SDCCAG8: variants seen among roughly 807,000 people sequenced by gnomAD.
SDCCAG8 encodes serologically defined colon cancer antigen 8.
A neutral mutation model predicts 101.8 loss-of-function variants in SDCCAG8; 74 were observed. That is an observed-to-expected ratio of 0.73 (90% CI 0.60 to 0.88). The LOEUF is 0.88. Among genes scored for constraint, SDCCAG8 ranks in the 40% least tolerant of loss-of-function variants. The pLI is 0.00. For missense variants in SDCCAG8, 787 were observed against 822.6 expected (o/e 0.96, Z 0.53); for synonymous variants, 281 against 292.9 (o/e 0.96, Z 0.41).
At chr1:243,276,039 T>A (rs1464327039) in intron 4 of SDCCAG8, among the ~76,000 whole-genome samples, 10 of 151,988 alleles carry the variant, frequency 6.6e-5, no homozygotes, top group Non-Finnish European at 1.5e-5. Context: ...AATTTTTGTA[T>A]TTTTTGTAGA....
chr1:243,288,727 G>T (rs2069884998), intron 5 of SDCCAG8, among the ~76,000 whole-genome samples: 1 of 152,094 alleles, frequency 6.6e-6, no homozygotes, highest in Admixed American at 6.6e-5. Context: ...TAATTGAGGT[G>T]GCCAGGCGCA....
At chr1:243,316,431 A>G (rs562378775) in intron 8 of SDCCAG8, among the ~76,000 whole-genome samples, 3 of 152,148 alleles carry the variant, frequency 2.0e-5, no homozygotes, top group African/African-American at 7.2e-5. Flanking sequence ...ACTTTGCTGC[A>G]TTTTTCCTTT....
chr1:243,381,029 G>A (rs142829871), intron 13 of SDCCAG8, among the ~76,000 whole-genome samples: 126 of 151,974 alleles, frequency 8.3e-4, no homozygotes, highest in East Asian at 2.9e-3. Flanking sequence ...ATGTTGTGTC[G>A]TTCTTTTTCA....
chr1:243,439,628 A>T (rs1335576119), intron 16 of SDCCAG8, among the ~76,000 whole-genome samples: 1 of 146,230 alleles, frequency 6.8e-6, no homozygotes, highest in Admixed American at 6.7e-5. Flanking sequence ...TCCATCACAC[A>T]CACACACACA....
chr1:243,431,647 G>C (rs1289748759), intron 16 of SDCCAG8, among the ~76,000 whole-genome samples: 2 of 152,122 alleles, frequency 1.3e-5, no homozygotes, highest in African/African-American at 4.8e-5. Context: ...AAAGATGGCA[G>C]TGCCATTTTT....
At chr1:243,469,830 G>GTT (rs746906257) in intron 16 of SDCCAG8, among the ~76,000 whole-genome samples, 3,597 of 123,480 alleles carry the variant, frequency 0.029, 197 homozygotes, top group African/African-American at 0.11. Context: ...GAAAGTGTTG[G>GTT]TTTTTTTTTT....
chr1:243,324,392 A>G (rs1488278382), intron 9 of SDCCAG8, among the ~76,000 whole-genome samples: 1 of 145,738 alleles, frequency 6.9e-6, no homozygotes, highest in Non-Finnish European at 1.5e-5. Flanking sequence ...TCAAATTTCT[A>G]TTTAACTATG....
intron 6 of SDCCAG8, among the ~76,000 whole-genome samples, chr1:243,297,890 ACT>A (rs1006326537): frequency 4.0e-5 from 6 of 151,388 alleles, no homozygotes; most frequent in Admixed American, 6.6e-5. Context: ...TTCGCTTGTA[ACT>A]CTCTTGATAG....
intron 13 of SDCCAG8, among the ~76,000 whole-genome samples, chr1:243,409,170 A>T (rs954601176): frequency 1.3e-5 from 2 of 152,180 alleles, no homozygotes; most frequent in Non-Finnish European, 2.9e-5. Context: ...TTACTAGTAG[A>T]TTTGCTTTCC....
intron 6 of SDCCAG8, among the ~76,000 whole-genome samples, chr1:243,295,907 C>G (rs991552510): frequency 6.6e-6 from 1 of 152,162 alleles, no homozygotes; most frequent in Non-Finnish European, 1.5e-5. Context: ...TGTGCTCTAC[C>G]TCACAAGTGT....
chr1:243,418,605 T>C (rs879270286), intron 15 of SDCCAG8, among the ~76,000 whole-genome samples: 1 of 152,234 alleles, frequency 6.6e-6, no homozygotes, highest in Non-Finnish European at 1.5e-5. Context: ...AGCATACTAC[T>C]CTTTTATAAA....
intron 12 of SDCCAG8, among the ~76,000 whole-genome samples, chr1:243,364,032 A>G (rs2076862196): frequency 6.6e-6 from 1 of 152,258 alleles, no homozygotes; most frequent in Non-Finnish European, 1.5e-5. Context: ...AAATATTTAC[A>G]TAACCCACAG....
At chr1:243,390,769 G>A (rs1477924814) in intron 13 of SDCCAG8, among the ~76,000 whole-genome samples, 1 of 152,124 alleles carries the variant, frequency 6.6e-6, no homozygotes, top group Non-Finnish European at 1.5e-5. Flanking sequence ...CAACAACAAT[G>A]AGCATCAGGT....
At position 243,308,163 on chromosome 1, in the gene SDCCAG8, C is replaced by A. The variant is rs371251483; in HGVS notation, c.915C>A (p.Ile305=). The A allele has an allele frequency of 6.2e-7, 1 of 1,614,142 alleles. No homozygotes were observed. Residue 305 remains isoleucine (I), a synonymous_variant, in exon 8 of 18, where the codon ATC becomes ATA. Coordinates refer to ENST00000366541, the MANE Select transcript of SDCCAG8 (RefSeq NM_006642.5). The stretch of plus-strand genomic sequence containing the variant: ...ATACTAATGTTCATATGCAGACCAT[C>A]GAAAGACTGGTTAAGTAAGTATGCT... ...QTHTNVHMQT[I]ERLVKERDDL...
intron 16 of SDCCAG8, among the ~76,000 whole-genome samples, chr1:243,450,918 C>T (rs1159148781): frequency 6.6e-6 from 1 of 152,218 alleles, no homozygotes; most frequent in African/African-American, 2.4e-5. Flanking sequence ...CTCGGCCTCC[C>T]AAAATCCTGG....
chr1:243,346,842 G>C (rs146713434), intron 12 of SDCCAG8, among the ~76,000 whole-genome samples: 1 of 152,090 alleles, frequency 6.6e-6, no homozygotes, highest in Non-Finnish European at 1.5e-5. Flanking sequence ...ATTTTTATGA[G>C]AAATTTTTTT....
chr1:243,316,635 A>G (rs2073262976), intron 8 of SDCCAG8, 120 bp from the exon 9 acceptor site: 5 of 1,200,736 alleles, frequency 4.2e-6, no homozygotes, highest in Non-Finnish European at 6.1e-6. Flanking sequence ...TTTATTTCAT[A>G]TGTGCTCAGC....
chr1:243,456,467 T>A (rs952043347), intron 16 of SDCCAG8, among the ~76,000 whole-genome samples: 1 of 152,180 alleles, frequency 6.6e-6, no homozygotes, highest in African/African-American at 2.4e-5. Context: ...ATAGTATTTT[T>A]AAAAAATGCA....
At chr1:243,366,328 T>C (rs1390385214) in intron 12 of SDCCAG8, among the ~76,000 whole-genome samples, 3 of 152,046 alleles carry the variant, frequency 2.0e-5, no homozygotes, top group Admixed American at 6.6e-5. Flanking sequence ...TCTTGGTTTT[T>C]ACTTGTGTTT....
Sources: gnomAD v4.1 joint callset for allele counts (sites outside exome capture counted in the v4.1 genomes callset) on GRCh38, gnomAD v4.1.1 for gene constraint, MANE v1.5 for transcripts, NCBI Gene and HGNC (gene_info 2026-07-23, HGNC 2026-07-21) for gene names.